The following LPAR1 variants were observed in gnomAD, a reference collection of about 807,000 sequenced individuals.
The protein encoded by LPAR1 is lysophosphatidic acid receptor 1.
Under a neutral mutation model 23.8 loss-of-function variants are expected in LPAR1, and 5 were observed. The observed-to-expected ratio is 0.21, with a 90% confidence interval of 0.11 to 0.44. The LOEUF is 0.44. LPAR1 is among the 20% of genes least tolerant of loss of function. The pLI is 0.99. For missense variants in LPAR1, 311 were observed against 482.8 expected (o/e 0.64, Z 3.33); for synonymous variants, 160 against 164.7 (o/e 0.97, Z 0.22).
intron 4 of LPAR1, among the ~76,000 whole-genome samples, chr9:110,961,617 CAAAAAA>C (rs57773067): frequency 5.4e-4 from 43 of 79,860 alleles, no homozygotes; most frequent in Admixed American, 3.4e-3. Context: ...GAGACTATCT[CAAAAAA>C]AAAAAAAAAA....
chr9:110,971,638 G>C (rs977240689), intron 4 of LPAR1, among the ~76,000 whole-genome samples: 1 of 152,154 alleles, frequency 6.6e-6, no homozygotes, highest in Non-Finnish European at 1.5e-5. Context: ...AGGCAAAAGA[G>C]TAAGTATAGG....
chr9:111,015,951 T>A (rs147167096), intron 2 of LPAR1, among the ~76,000 whole-genome samples: 67 of 151,916 alleles, frequency 4.4e-4, no homozygotes, highest in Middle Eastern at 3.4e-3. Context: ...GTCCTTCAGG[T>A]ACTTCTGGCT....
chr9:110,893,080 T>C (rs1003829731), intron 5 of LPAR1, among the ~76,000 whole-genome samples: 2 of 152,166 alleles, frequency 1.3e-5, no homozygotes, highest in African/African-American at 4.8e-5. Flanking sequence ...GGTAGCACAG[T>C]GGGAAAGATT....
chr9:111,009,731 T>C (rs189179997), intron 2 of LPAR1, among the ~76,000 whole-genome samples: 51 of 151,942 alleles, frequency 3.4e-4, no homozygotes, highest in Middle Eastern at 6.8e-3. Context: ...AAGGGACATA[T>C]ACCAATACTG....
chr9:111,030,010 C>CACTCCAG (rs2097768110), intron 2 of LPAR1, among the ~76,000 whole-genome samples: 1 of 140,110 alleles, frequency 7.1e-6, no homozygotes, highest in Non-Finnish European at 1.5e-5. Context: ...CGTGCCATTG[C>CACTCCAG]ACTCCAGCCT....
chr9:110,939,287 C>T (rs1177904405), intron 5 of LPAR1, among the ~76,000 whole-genome samples: 1 of 152,196 alleles, frequency 6.6e-6, no homozygotes, highest in Admixed American at 6.5e-5. Flanking sequence ...CCACATCCTG[C>T]CCATTCTCTT....
At chr9:111,007,169 C>G (rs969411131) in intron 2 of LPAR1, among the ~76,000 whole-genome samples, 11 of 152,020 alleles carry the variant, frequency 7.2e-5, no homozygotes, top group Non-Finnish European at 4.4e-5. Flanking sequence ...CCCCAGAAGC[C>G]GAGCAGATGC....
At chr9:111,029,603 C>T (rs1270324901) in intron 2 of LPAR1, among the ~76,000 whole-genome samples, 1 of 152,158 alleles carries the variant, frequency 6.6e-6, no homozygotes, top group African/African-American at 2.4e-5. Context: ...GACTTACCCT[C>T]TCCATCCTCA....
At chr9:110,977,054 A>G (rs1452949550) in intron 2 of LPAR1, among the ~76,000 whole-genome samples, 3 of 152,218 alleles carry the variant, frequency 2.0e-5, no homozygotes, top group South Asian at 4.1e-4. Context: ...GTTCAGAAAT[A>G]TATACTTGAA....
Position 110,996,459 on chromosome 9 carries a change from C to T in LPAR1, c.-181-22901G>A, listed in dbSNP as rs561193005. On this transcript the variant is annotated intron_variant, in intron 2 of 5. Coordinates refer to ENST00000683809, the MANE Select transcript of LPAR1 (RefSeq NM_001351411.2). ...AAGGAATTCTGATACAAAAGGAGTC[C>T]GCTTACAAAAAAATAAGTTTTACTA... Among the ~76,000 whole-genome samples the T allele has an allele frequency of 5.3e-5, 8 of 151,550 alleles. No homozygotes were observed. In the South Asian group the frequency reaches 6.3e-4, roughly 12 times the overall value.
intron 2 of LPAR1, among the ~76,000 whole-genome samples, chr9:111,032,149 A>T (rs981719536): frequency 6.6e-6 from 1 of 152,230 alleles, no homozygotes; most frequent in Admixed American, 6.5e-5. Context: ...AGAATTACCA[A>T]CCAGATATCA....
Position 110,993,515 on chromosome 9 carries a change from T to C in LPAR1, c.-181-19957A>G, listed in dbSNP as rs115813206. 4.0e-3 allele frequency among the ~76,000 whole-genome samples: 612 copies of C among 152,044 alleles called. 4 individuals are homozygous for C. The highest frequency in any genetic ancestry group is 0.014 in the African/African-American group (569 of 41,476). On this transcript the variant is annotated intron_variant, in intron 2 of 5. Transcript: ENST00000683809. Reference sequence around the variant, plus strand: ...AAGTGAGGTGAAGAGGATGTCCCCATGGGAAGGTAGCCCAGAGTTTGTGTC... The same window carrying C: ...AAGTGAGGTGAAGAGGATGTCCCCACGGGAAGGTAGCCCAGAGTTTGTGTC...
chr9:111,017,529 T>A (rs2097478061), intron 2 of LPAR1, among the ~76,000 whole-genome samples: 1 of 152,334 alleles, frequency 6.6e-6, no homozygotes, highest in Non-Finnish European at 1.5e-5. Flanking sequence ...CAATGGCATC[T>A]AGAAGAAAAT....
chr9:110,916,026 G>A (rs548827839), intron 5 of LPAR1, among the ~76,000 whole-genome samples: 55 of 152,150 alleles, frequency 3.6e-4, no homozygotes, highest in African/African-American at 1.3e-3. Flanking sequence ...AATGTTAGAT[G>A]TTAAATTTAA....
At chr9:110,914,386 G>C (rs893223338) in intron 5 of LPAR1, among the ~76,000 whole-genome samples, 3 of 152,160 alleles carry the variant, frequency 2.0e-5, no homozygotes, top group Admixed American at 6.5e-5. Flanking sequence ...GGGAGAATGA[G>C]AGCCAAGTGA....
intron 5 of LPAR1, among the ~76,000 whole-genome samples, chr9:110,885,688 C>T (rs536292380): frequency 1.3e-5 from 2 of 152,314 alleles, no homozygotes; most frequent in African/African-American, 4.8e-5. Context: ...TAAGATGGGT[C>T]ACTGCCTCTT....
At chr9:111,023,053 C>CA (rs35394780) in intron 2 of LPAR1, among the ~76,000 whole-genome samples, 2,114 of 56,702 alleles carry the variant, frequency 0.037, 59 homozygotes, top group Admixed American at 0.076. Context: ...TCCGTCTCAA[C>CA]AAAAAAAAAA....
intron 5 of LPAR1, among the ~76,000 whole-genome samples, chr9:110,882,189 T>G (rs73535649): frequency 6.6e-6 from 1 of 152,180 alleles, no homozygotes; most frequent in Admixed American, 6.5e-5. Flanking sequence ...TACCCAAAAT[T>G]ATTGTATTTA....
At chr9:110,913,744 G>C (rs940527524) in intron 5 of LPAR1, among the ~76,000 whole-genome samples, 5 of 152,160 alleles carry the variant, frequency 3.3e-5, no homozygotes, top group African/African-American at 4.8e-5. Context: ...TTGGAAGGAC[G>C]AGAACATTAG....
Sources: allele counts gnomAD v4.1 joint callset (sites outside exome capture counted in the v4.1 genomes callset), GRCh38; gene constraint gnomAD v4.1.1; transcripts MANE v1.5; gene names NCBI Gene and HGNC (gene_info 2026-07-23, HGNC 2026-07-21).